The following DLG2 variants were observed in gnomAD, a reference collection of about 807,000 sequenced individuals.
DLG2 encodes the protein discs large MAGUK scaffold protein 2.
A neutral mutation model predicts 132.5 loss-of-function variants in DLG2; 45 were observed. The ratio of observed to expected loss-of-function variants is 0.34; its 90% CI spans 0.27 to 0.44. The LOEUF (loss-of-function observed/expected upper bound fraction) is 0.44. Ranked by LOEUF, DLG2 falls within the 20% of genes least tolerant of loss-of-function variation. The pLI, the probability that DLG2 is intolerant of heterozygous loss-of-function variation, is 1.00. For synonymous variants in DLG2, 424 were observed against 419.6 expected (o/e 1.01, Z -0.13); for missense variants, 1,045 against 1,196.9 (o/e 0.87, Z 1.87).
chr11:84,469,736 T>A (rs1280069119), intron 7 of DLG2, among the ~76,000 whole-genome samples: 1 of 151,640 alleles, frequency 6.6e-6, no homozygotes, highest in African/African-American at 2.4e-5. Context: ...ATTGAAATAT[T>A]TGCAGCCTTA....
At chr11:83,930,039 C>T (rs2079846502) in intron 15 of DLG2, among the ~76,000 whole-genome samples, 1 of 152,104 alleles carries the variant, frequency 6.6e-6, no homozygotes, top group Non-Finnish European at 1.5e-5. Context: ...AAAATTAATT[C>T]TTCTGGAAAA....
chr11:84,123,543 T>C (rs2094022573), intron 9 of DLG2, among the ~76,000 whole-genome samples: 1 of 152,190 alleles, frequency 6.6e-6, no homozygotes, highest in Admixed American at 6.5e-5. Context: ...GAGTTTTGTA[T>C]CTAAGCTCCT....
chr11:84,037,530 CTG>C (rs935225939), intron 11 of DLG2, among the ~76,000 whole-genome samples: 9 of 152,154 alleles, frequency 5.9e-5, no homozygotes, highest in African/African-American at 2.2e-4. Flanking sequence ...ATGTAAAAAA[CTG>C]TATTTCAAGA....
At chr11:85,342,738 G>A (rs947553526) in intron 3 of DLG2, among the ~76,000 whole-genome samples, 6 of 152,098 alleles carry the variant, frequency 3.9e-5, no homozygotes, top group African/African-American at 1.4e-4. Flanking sequence ...CATGAGTAAT[G>A]CATTGTACTA....
chr11:85,521,334 GCCA>G (rs1343794804), intron 3 of DLG2, among the ~76,000 whole-genome samples: 1 of 152,120 alleles, frequency 6.6e-6, no homozygotes, highest in Admixed American at 6.5e-5. Context: ...TCTCTCTCCT[GCCA>G]CCATCTGAAG....
chr11:83,814,456 T>G (rs1404695277), intron 17 of DLG2: 1 of 212,594 alleles, frequency 4.7e-6, no homozygotes, highest in Admixed American at 4.2e-5. Context: ...TTACACAACT[T>G]TAAAGCTTGA....
chr11:83,830,403 T>G (rs962529663), intron 17 of DLG2, among the ~76,000 whole-genome samples: 2 of 152,232 alleles, frequency 1.3e-5, no homozygotes, highest in African/African-American at 4.8e-5. Context: ...GTATGGAGGT[T>G]AAAATAAATA....
At chr11:83,506,920 A>G (rs764725258) in intron 21 of DLG2, among the ~76,000 whole-genome samples, 2 of 152,036 alleles carry the variant, frequency 1.3e-5, no homozygotes, top group Non-Finnish European at 2.9e-5. Context: ...CCACAATTTC[A>G]TCTTTCACAT....
intron 16 of DLG2, among the ~76,000 whole-genome samples, chr11:83,850,046 C>G (rs1489690750): frequency 2.0e-5 from 3 of 151,962 alleles, no homozygotes; most frequent in Non-Finnish European, 4.4e-5. Flanking sequence ...TTAATGGGCT[C>G]TCATCCTAGG....
chr11:84,109,279 G>A (rs1176861944), intron 9 of DLG2, among the ~76,000 whole-genome samples: 2 of 152,092 alleles, frequency 1.3e-5, no homozygotes, highest in African/African-American at 4.8e-5. Flanking sequence ...TATCTACTTT[G>A]GTCCCCACAA....
At chr11:84,501,436 A>G (rs1262929461) in intron 7 of DLG2, among the ~76,000 whole-genome samples, 2 of 152,150 alleles carry the variant, frequency 1.3e-5, no homozygotes, top group East Asian at 3.9e-4. Context: ...ATAGTGGTGC[A>G]TGCCTGTAGT....
At chr11:83,606,844 A>G (rs540301973) in intron 19 of DLG2, among the ~76,000 whole-genome samples, 8 of 152,128 alleles carry the variant, frequency 5.3e-5, no homozygotes, top group African/African-American at 9.6e-5. Flanking sequence ...GGAGAATGGC[A>G]TGAACCCGGG....
chr11:85,186,962 A>G (rs1006497990), intron 4 of DLG2, among the ~76,000 whole-genome samples: 4 of 152,178 alleles, frequency 2.6e-5, no homozygotes, highest in Non-Finnish European at 5.9e-5. Context: ...AGTATATCTC[A>G]GAGTATCCCC....
intron 17 of DLG2, among the ~76,000 whole-genome samples, chr11:83,797,235 A>T (rs1432092621): frequency 6.6e-6 from 1 of 152,088 alleles, no homozygotes; most frequent in African/African-American, 2.4e-5. Flanking sequence ...GAAGAAGAAG[A>T]AGAAGAAGAA....
intron 6 of DLG2, among the ~76,000 whole-genome samples, chr11:84,884,669 G>A (rs2087926058): frequency 6.7e-6 from 1 of 149,116 alleles, no homozygotes; most frequent in African/African-American, 2.5e-5. Context: ...CCTTTTAGAA[G>A]TTTTTTTTTT....
chr11:84,454,654 A>G (rs572016676), intron 7 of DLG2, among the ~76,000 whole-genome samples: 2 of 151,590 alleles, frequency 1.3e-5, no homozygotes, highest in East Asian at 3.9e-4. Context: ...CTGCTCAGCA[A>G]TAAAAAGAAC....
intron 3 of DLG2, among the ~76,000 whole-genome samples, chr11:85,532,118 C>G (rs191540497): frequency 4.6e-5 from 7 of 152,290 alleles, no homozygotes; most frequent in African/African-American, 1.4e-4. Flanking sequence ...CATAATCCCT[C>G]GCTTTTCTAG....
chr11:84,069,562 T>A (rs990292041), intron 10 of DLG2, among the ~76,000 whole-genome samples: 9 of 152,194 alleles, frequency 5.9e-5, no homozygotes, highest in Non-Finnish European at 1.3e-4. Context: ...GGGCTTCTGC[T>A]CTCGTCTCTA....
intron 9 of DLG2, among the ~76,000 whole-genome samples, chr11:84,104,203 A>G (rs1265477074): frequency 2.0e-5 from 3 of 152,166 alleles, no homozygotes; most frequent in Non-Finnish European, 4.4e-5. Context: ...GTGGACTGAA[A>G]GAAAATGTGG....
Sources: gnomAD v4.1 joint callset for allele counts (sites outside exome capture counted in the v4.1 genomes callset) on GRCh38, gnomAD v4.1.1 for gene constraint, MANE v1.5 for transcripts, NCBI Gene and HGNC (gene_info 2026-07-23, HGNC 2026-07-21) for gene names.